The following RNLS variants were observed in gnomAD, a reference collection of about 807,000 sequenced individuals.
RNLS encodes renalase.
In RNLS, 39 loss-of-function variants were observed where a neutral mutation model predicts 39.8. That is an observed-to-expected ratio of 0.98 (90% CI 0.76 to 1.28). The LOEUF (loss-of-function observed/expected upper bound fraction) is 1.28. Ranked by LOEUF, RNLS falls within the 50% of genes most tolerant of loss-of-function variation. The pLI is 0.00. For synonymous variants in RNLS, 147 were observed against 150.7 expected, an observed-to-expected ratio of 0.98 and a Z score of 0.18; for missense variants, 410 against 413.3, an observed-to-expected ratio of 0.99 and a Z score of 0.07.
chr10:88,548,257 G>A (rs1426479754), intron 4 of RNLS, among the ~76,000 whole-genome samples: 166 of 25,976 alleles, frequency 6.4e-3, no homozygotes, highest in African/African-American at 0.051. Flanking sequence ...GCAAGACTCC[G>A]TCTCAAAAAA....
chr10:88,251,795 G>A, the RNLS span, among the ~76,000 whole-genome samples: 7 of 152,148 alleles, frequency 4.6e-5, no homozygotes, highest in African/African-American at 1.7e-4. Context: ...TGAAACCTCT[G>A]AGACCCCTTT....
intron 4 of RNLS, among the ~76,000 whole-genome samples, chr10:88,492,856 T>C (rs905957723): frequency 6.6e-6 from 1 of 151,990 alleles, no homozygotes; most frequent in Non-Finnish European, 1.5e-5. Flanking sequence ...GGAAGCAGAA[T>C]GACCAAACTT....
At chr10:88,401,057 C>T (rs572793088) in intron 4 of RNLS, among the ~76,000 whole-genome samples, 1 of 151,740 alleles carries the variant, frequency 6.6e-6, no homozygotes, top group Non-Finnish European at 1.5e-5. Flanking sequence ...ATGTTGAATT[C>T]CAGGAGTTCT....
At chr10:88,529,461 CTT>C (rs1042945639) in intron 4 of RNLS, among the ~76,000 whole-genome samples, 2 of 152,172 alleles carry the variant, frequency 1.3e-5, no homozygotes, top group African/African-American at 2.4e-5. Context: ...TTCCTTTCCT[CTT>C]TCTCTCTCTC....
intron 4 of RNLS, among the ~76,000 whole-genome samples, chr10:88,498,538 G>A (rs1845297584): frequency 1.4e-5 from 2 of 142,192 alleles, no homozygotes; most frequent in African/African-American, 2.6e-5. Context: ...ATTTGAATAA[G>A]GTCTGCATAC....
chr10:88,466,106 G>C (rs757255070), intron 4 of RNLS, among the ~76,000 whole-genome samples: 1 of 152,100 alleles, frequency 6.6e-6, no homozygotes, highest in African/African-American at 2.4e-5. Context: ...CATTCACTAT[G>C]AGCAGATGGG....
chr10:88,478,530 T>G (rs1396097146), intron 4 of RNLS, among the ~76,000 whole-genome samples: 1 of 152,156 alleles, frequency 6.6e-6, no homozygotes, highest in Admixed American at 6.6e-5. Context: ...TGGCCCTACC[T>G]TATCCCACAT....
chr10:88,445,960 G>C (rs545933598), intron 4 of RNLS, among the ~76,000 whole-genome samples: 2 of 152,068 alleles, frequency 1.3e-5, no homozygotes, highest in Non-Finnish European at 2.9e-5. Context: ...TGCACCAAGC[G>C]GACCTAACAG....
chr10:88,232,176 G>C, the RNLS span, among the ~76,000 whole-genome samples: 1 of 152,162 alleles, frequency 6.6e-6, no homozygotes, highest in Admixed American at 6.5e-5. Context: ...TGAGTCGGGT[G>C]CCCAATGCTA....
At chr10:88,432,055 ACT>A (rs1855163547) in intron 4 of RNLS, among the ~76,000 whole-genome samples, 1 of 151,552 alleles carries the variant, frequency 6.6e-6, no homozygotes, top group Non-Finnish European at 1.5e-5. Flanking sequence ...GGCTTTGATA[ACT>A]CTAGCAATTA....
chr10:88,394,297 C>A (rs921856805), intron 4 of RNLS, among the ~76,000 whole-genome samples: 9 of 151,990 alleles, frequency 5.9e-5, no homozygotes, highest in African/African-American at 2.2e-4. Context: ...CTACTCATCT[C>A]ACAAAGGGCT....
At chr10:88,455,043 A>G (rs1277695740) in intron 4 of RNLS, among the ~76,000 whole-genome samples, 4 of 152,214 alleles carry the variant, frequency 2.6e-5, no homozygotes, top group Non-Finnish European at 5.9e-5. Flanking sequence ...TAAACAACAT[A>G]TGTTCTGTTC....
In RNLS at chr10:88,285,314, T is replaced by C. The variant is rs779914625; in HGVS notation, c.*40A>G. The stretch of plus-strand genomic sequence containing the variant: ...AATCAATAACAGAAAATTGTGAAAA[T>C]AAAAACCCAATACACATGTAGAGAA... On this transcript the variant is annotated 3_prime_UTR_variant, in exon 7 of 7. Coordinates refer to ENST00000331772, the MANE Select transcript of RNLS (RefSeq NM_001031709.3). 1 of 1,452,424 alleles carries C rather than the reference T, an allele frequency of 6.9e-7. No individual in the cohort carries two copies. Among genetic ancestry groups the C allele is most frequent in the Non-Finnish European group, 9.2e-7 (1 of 1,092,238 alleles). 90.0% of individuals were successfully genotyped at this position (1,452,424 alleles called of 1,614,324 possible). A position where few individuals can be genotyped will look rare whatever the true frequency, so the allele number is the denominator to read the frequency against.
intron 4 of RNLS, among the ~76,000 whole-genome samples, chr10:88,516,093 A>T (rs563161565): frequency 6.6e-6 from 1 of 152,114 alleles, no homozygotes; most frequent in South Asian, 2.1e-4. Flanking sequence ...AGATGAAACC[A>T]ACCTGCCATC....
chr10:88,472,665 A>T (rs1206348831), intron 4 of RNLS, among the ~76,000 whole-genome samples: 1 of 152,204 alleles, frequency 6.6e-6, no homozygotes, highest in East Asian at 1.9e-4. Flanking sequence ...TATATTCAAC[A>T]ACTATTTATT....
rs190895307 is a variant in RNLS, at chr10:88,444,506, G to A, written c.527-81781C>T. ...GACGAGTTGAGAGAAGAAGGCTTCAGACGATCAAACTTCTCCAAGCTAAAG... is the reference window on the plus strand; with the variant it reads ...GACGAGTTGAGAGAAGAAGGCTTCAAACGATCAAACTTCTCCAAGCTAAAG... On this transcript the variant is annotated intron_variant, in intron 4 of 6. Coordinates refer to ENST00000331772, the MANE Select transcript of RNLS (RefSeq NM_001031709.3). 7.4e-4 allele frequency among the ~76,000 whole-genome samples: 112 copies of A among 152,262 alleles called. 1 individual carries two copies. Among genetic ancestry groups the A allele is most frequent in the South Asian group, 7.1e-3 (34 of 4,822 alleles).
intron 4 of RNLS, among the ~76,000 whole-genome samples, chr10:88,430,197 C>T (rs1855052127): frequency 6.6e-6 from 1 of 151,668 alleles, no homozygotes; most frequent in African/African-American, 2.4e-5. Context: ...TATAGTTTTC[C>T]ATGTATATAT....
At chr10:88,230,570 A>G in the RNLS span, among the ~76,000 whole-genome samples, 1 of 152,210 alleles carries the variant, frequency 6.6e-6, no homozygotes, top group African/African-American at 2.4e-5. Context: ...ATCTACTGGT[A>G]ATAATGTTAC....
the RNLS span, among the ~76,000 whole-genome samples, chr10:88,234,961 T>C: frequency 6.6e-6 from 1 of 152,082 alleles, no homozygotes; most frequent in Non-Finnish European, 1.5e-5. Context: ...TTGTGTTTCA[T>C]GTAGAAATCC....
Sources: allele counts gnomAD v4.1 joint callset (sites outside exome capture counted in the v4.1 genomes callset), GRCh38; gene constraint gnomAD v4.1.1; transcripts MANE v1.5; gene names NCBI Gene and HGNC (gene_info 2026-07-23, HGNC 2026-07-21).